PIK3C2G: variants seen among roughly 807,000 people sequenced by gnomAD.
PIK3C2G encodes phosphatidylinositol 3-kinase C2 domain-containing subunit gamma.
Under a neutral mutation model 181.1 loss-of-function variants are expected in PIK3C2G, and 168 were observed. The ratio of observed to expected loss-of-function variants is 0.93; its 90% CI spans 0.82 to 1.05. PIK3C2G has a LOEUF of 1.05. Among genes scored for constraint, PIK3C2G ranks in the 50% least tolerant of loss-of-function variants. PIK3C2G has a pLI of 0.00. For synonymous variants in PIK3C2G, 573 were observed against 592.2 expected, an observed-to-expected ratio of 0.97 and a Z score of 0.47; for missense variants, 1,869 against 1,732.8, an observed-to-expected ratio of 1.08 and a Z score of -1.40.
intron 5 of PIK3C2G, among the ~76,000 whole-genome samples, chr12:18,303,208 TTC>T (rs961579506): frequency 1.5e-4 from 23 of 151,136 alleles, no homozygotes; most frequent in Non-Finnish European, 2.5e-4. Flanking sequence ...TTTCCTTTCT[TTC>T]TCTTTTCTTT....
intron 18 of PIK3C2G, among the ~76,000 whole-genome samples, chr12:18,430,003 C>T (rs2135753340): frequency 6.6e-6 from 1 of 152,232 alleles, no homozygotes; most frequent in African/African-American, 2.4e-5. Flanking sequence ...AGACTTGACC[C>T]GAGATCTCAT....
intron 18 of PIK3C2G, among the ~76,000 whole-genome samples, chr12:18,480,797 C>G (rs908592242): frequency 6.6e-6 from 1 of 152,194 alleles, no homozygotes; most frequent in Non-Finnish European, 1.5e-5. Flanking sequence ...TGCCTCTGAG[C>G]TGCTAGTCTG....
chr12:18,704,581 C>T, the PIK3C2G span, among the ~76,000 whole-genome samples: 5 of 152,000 alleles, frequency 3.3e-5, no homozygotes, highest in African/African-American at 1.2e-4. Context: ...CCCTCCTCAG[C>T]CTCCCAAGGT....
At chr12:18,505,893 A>AT (rs1226726134) in intron 24 of PIK3C2G, among the ~76,000 whole-genome samples, 1 of 152,214 alleles carries the variant, frequency 6.6e-6, no homozygotes, top group Non-Finnish European at 1.5e-5. Context: ...TTCCACAGAT[A>AT]TTTAGGGAAT....
intron 16 of PIK3C2G, among the ~76,000 whole-genome samples, chr12:18,405,016 T>G (rs1332405772): frequency 6.6e-6 from 1 of 151,750 alleles, no homozygotes; most frequent in Admixed American, 6.6e-5. Context: ...CAGAGGAAAG[T>G]AAAAAAGAGA....
At chr12:18,706,495 A>G in the PIK3C2G span, among the ~76,000 whole-genome samples, 2 of 152,218 alleles carry the variant, frequency 1.3e-5, no homozygotes, top group African/African-American at 2.4e-5. Context: ...AGAAACAAAG[A>G]TAAAGATATT....
chr12:18,345,715 C>T (rs1486267633), intron 10 of PIK3C2G, among the ~76,000 whole-genome samples: 1 of 152,040 alleles, frequency 6.6e-6, no homozygotes, highest in Non-Finnish European at 1.5e-5. Flanking sequence ...CTAGAATTTT[C>T]TTTTAATTTT....
chr12:18,681,154 G>A, the PIK3C2G span, among the ~76,000 whole-genome samples: 1 of 151,984 alleles, frequency 6.6e-6, no homozygotes, highest in Non-Finnish European at 1.5e-5. Context: ...CGACAGTTTA[G>A]CTGTGAGCTC....
At chr12:18,309,875 G>A (rs1000543206) in intron 5 of PIK3C2G, among the ~76,000 whole-genome samples, 22 of 151,760 alleles carry the variant, frequency 1.4e-4, no homozygotes, top group South Asian at 6.2e-4. Context: ...TTATGCCCAC[G>A]CACTTTTGCT....
Position 18,294,033 on chromosome 12 carries a change from T to G in PIK3C2G, c.1034+18T>G. On this transcript the variant is annotated intron_variant, in intron 5 of 32. Coordinates refer to ENST00000538779, the MANE Select transcript of PIK3C2G (RefSeq NM_001288772.2). The stretch of plus-strand genomic sequence containing the variant: ...TTACAAAAGTAAGTATTTTATGAAA[T>G]TTTGGTTGTATTATAATCTGTAAAT... The G allele has an allele frequency of 8.3e-7, 1 of 1,207,444 alleles. No individual in the cohort carries two copies. The allele number at this position is 1,207,444 out of a possible 1,614,324, so 74.8% of individuals were successfully genotyped here. A position where few individuals can be genotyped will look rare whatever the true frequency, so the allele number is the denominator to read the frequency against.
At chr12:18,563,565 G>T in intron 28 of PIK3C2G, 67 bp downstream of exon 28, 2 of 1,467,534 alleles carry the variant, frequency 1.4e-6, no homozygotes, top group South Asian at 1.2e-5. Context: ...GAAAAATTAT[G>T]GTTATGGGAT....
At chr12:18,450,535 C>T (rs1947290332) in intron 18 of PIK3C2G, among the ~76,000 whole-genome samples, 1 of 152,072 alleles carries the variant, frequency 6.6e-6, no homozygotes. Flanking sequence ...TGTACATTTC[C>T]TGTTCACTCT....
chr12:18,566,311 G>A (rs1945630524), intron 28 of PIK3C2G, among the ~76,000 whole-genome samples: 1 of 152,158 alleles, frequency 6.6e-6, no homozygotes, highest in Non-Finnish European at 1.5e-5. Context: ...AGAGGAGGCT[G>A]CTAGGTAGTT....
chr12:18,592,255 T>C (rs1947122573), intron 29 of PIK3C2G, among the ~76,000 whole-genome samples: 1 of 151,770 alleles, frequency 6.6e-6, no homozygotes, highest in South Asian at 2.1e-4. Context: ...ATAAGAGAGA[T>C]GGGCCTAGAA....
the PIK3C2G span, among the ~76,000 whole-genome samples, chr12:18,656,156 C>T: frequency 1.3e-5 from 2 of 152,142 alleles, no homozygotes; most frequent in African/African-American, 2.4e-5. Context: ...ATGCTGGGCA[C>T]AGTGGCTCAC....
chr12:18,663,235 C>A, the PIK3C2G span, among the ~76,000 whole-genome samples: 2 of 151,750 alleles, frequency 1.3e-5, no homozygotes, highest in African/African-American at 2.4e-5. Flanking sequence ...AGCAGTTAGG[C>A]AAGAAAAGGA....
chr12:18,533,615 C>G (rs1305856698), intron 24 of PIK3C2G, among the ~76,000 whole-genome samples: 1 of 152,050 alleles, frequency 6.6e-6, no homozygotes, highest in Non-Finnish European at 1.5e-5. Flanking sequence ...CACTATTGTT[C>G]TTATTTAATA....
At chr12:18,617,107 C>G (rs2136643057) in intron 31 of PIK3C2G, among the ~76,000 whole-genome samples, 1 of 152,188 alleles carries the variant, frequency 6.6e-6, no homozygotes, top group South Asian at 2.1e-4. Flanking sequence ...CTTTCTCCTG[C>G]TTTATGCTTC....
the PIK3C2G span, among the ~76,000 whole-genome samples, chr12:18,659,616 C>T: frequency 1.3e-5 from 2 of 150,466 alleles, no homozygotes; most frequent in South Asian, 4.2e-4. Flanking sequence ...ATTTCATTTA[C>T]GTGTCAGGCC....
Sources: allele counts gnomAD v4.1 joint callset (sites outside exome capture counted in the v4.1 genomes callset), GRCh38; gene constraint gnomAD v4.1.1; transcripts MANE v1.5; gene names NCBI Gene and HGNC (gene_info 2026-07-23, HGNC 2026-07-21).